The following RAB21 variants were observed in gnomAD, a reference collection of about 807,000 sequenced individuals.
RAB21 encodes the protein RAB21, member RAS oncogene family.
Under a neutral mutation model 33.1 loss-of-function variants are expected in RAB21, and 13 were observed. The ratio of observed to expected loss-of-function variants is 0.39; its 90% CI spans 0.26 to 0.62. The LOEUF is 0.62. Among genes scored for constraint, RAB21 ranks in the 20% least tolerant of loss-of-function variants. RAB21 has a pLI of 0.48. For synonymous variants in RAB21, 91 were observed against 103.7 expected, an observed-to-expected ratio of 0.88 and a Z score of 0.74; for missense variants, 234 against 279.1, an observed-to-expected ratio of 0.84 and a Z score of 1.15.
chr12:71,779,411 G>A lies in RAB21; in HGVS notation c.392-2620G>A, dbSNP rs181950387. On this transcript the variant is annotated intron_variant, in intron 4 of 6. Coordinates refer to ENST00000261263, the MANE Select transcript of RAB21 (RefSeq NM_014999.4). ...GGAGGCTGCAGAGAGCCGTGTTCACGCCACTGCATTCCAACCTGAGTGACA... is the reference window on the plus strand; with the variant it reads ...GGAGGCTGCAGAGAGCCGTGTTCACACCACTGCATTCCAACCTGAGTGACA... Among the ~76,000 whole-genome samples, 749 of 152,170 alleles carry A rather than the reference G, an allele frequency of 4.9e-3. 8 individuals carry two copies. Among genetic ancestry groups the A allele is most frequent in the African/African-American group, 0.017 (713 of 41,530 alleles).
intron 6 of RAB21, among the ~76,000 whole-genome samples, chr12:71,784,066 A>G (rs1883243888): frequency 6.6e-6 from 1 of 152,212 alleles, no homozygotes; most frequent in South Asian, 2.1e-4. Flanking sequence ...AAATAAGTAG[A>G]TATAGAATTT....
At position 71,792,857 on chromosome 12, in the gene RAB21, C is replaced by T. The variant is rs1452782688; in HGVS notation, c.*7184C>T. On this transcript the variant is annotated 3_prime_UTR_variant, in exon 7 of 7. Transcript: ENST00000261263. ...ATCTGGGGATATAAGGTCACCTGTG[C>T]ACACATGTTCACATTCTGTGTTTGA... is the stretch of plus-strand genomic sequence containing the variant. 1 of 152,172 alleles carries T rather than the reference C, an allele frequency of 6.6e-6. No homozygotes were observed. The highest frequency in any genetic ancestry group is 1.5e-5 in the Non-Finnish European group (1 of 68,046). The allele number at this position is 152,172 out of a possible 1,614,324, so 9.4% of individuals were successfully genotyped here.
chr12:71,776,834 C>G (rs1883127298), intron 4 of RAB21, among the ~76,000 whole-genome samples: 1 of 152,076 alleles, frequency 6.6e-6, no homozygotes, highest in Non-Finnish European at 1.5e-5. Context: ...ATCAAAATCT[C>G]TATGGATGGG....
Position 71,769,851 on chromosome 12 carries a change from G to T in RAB21, c.211G>T (p.Ala71Ser). The change falls in exon 2 of 7, where the codon GCC becomes TCC. Residue 71 changes from alanine to serine, a missense_variant. Transcript: ENST00000261263. ...LNIGGKRVNL[A>S]IWDTAGQERF... is the part of the protein sequence containing the mutation. ...TATTGGTGGGAAAAGAGTAAACCTTGCCATATGGGTAAGTGAACTTTTTCA... is the reference window on the plus strand; with the variant it reads ...TATTGGTGGGAAAAGAGTAAACCTTTCCATATGGGTAAGTGAACTTTTTCA... The T allele has an allele frequency of 1.5e-6, 2 of 1,370,642 alleles. No individual in the cohort carries two copies. The highest frequency in any genetic ancestry group is 1.9e-6 in the Non-Finnish European group (2 of 1,037,504). The allele number at this position is 1,370,642 out of a possible 1,614,324, so 84.9% of individuals were successfully genotyped here. A position where few individuals can be genotyped will look rare whatever the true frequency, so the allele number is the denominator to read the frequency against.
In RAB21 at chr12:71,797,437, G is replaced by T. The variant is rs962264101; in HGVS notation, c.*11764G>T. On this transcript the variant is annotated 3_prime_UTR_variant, in exon 7 of 7. Transcript: ENST00000261263. ...ACCTAGGAATAAACAAGTTATATGC[G>T]TGACCACAAAACCAAAACTTTGTAT... is the stretch of plus-strand genomic sequence containing the variant. 6.6e-6 allele frequency: 1 copy of T among 151,964 alleles called. No individual in the cohort carries two copies. Among genetic ancestry groups the T allele is most frequent in the African/African-American group, 2.4e-5 (1 of 41,486 alleles). 9.4% of individuals were successfully genotyped at this position (151,964 alleles called of 1,614,324 possible). A position where few individuals can be genotyped will look rare whatever the true frequency, so the allele number is the denominator to read the frequency against.
chr12:71,782,698 T>C, intron 6 of RAB21, 40 bp downstream of exon 6: 1 of 1,410,958 alleles, frequency 7.1e-7, no homozygotes. Flanking sequence ...AAATGGTTTT[T>C]GGTTTTTATT....
At chr12:71,775,954 G>A (rs1883113775) in intron 4 of RAB21, among the ~76,000 whole-genome samples, 1 of 152,130 alleles carries the variant, frequency 6.6e-6, no homozygotes. Flanking sequence ...TTTCCCCTGC[G>A]TTTTGGTCTA....
rs1364256651 is a variant in RAB21, at chr12:71,792,763, C to G, written c.*7090C>G. The G allele has an allele frequency of 6.6e-6, 1 of 152,206 alleles. No homozygotes were observed. Among genetic ancestry groups the G allele is most frequent in the Non-Finnish European group, 1.5e-5 (1 of 68,048 alleles). 9.4% of individuals were successfully genotyped at this position (152,206 alleles called of 1,614,324 possible). ...TGGGAGAACCAGATAGCCAAAGTGCCTTCCTTTATCGTTGGAACCTAGAGA... is the reference window on the plus strand; with the variant it reads ...TGGGAGAACCAGATAGCCAAAGTGCGTTCCTTTATCGTTGGAACCTAGAGA... On this transcript the variant is annotated 3_prime_UTR_variant, in exon 7 of 7. Transcript: ENST00000261263.
At chr12:71,771,493 G>A (rs1883041705) in intron 3 of RAB21, among the ~76,000 whole-genome samples, 1 of 151,920 alleles carries the variant, frequency 6.6e-6, no homozygotes, top group African/African-American at 2.4e-5. Flanking sequence ...AGTTAAATCT[G>A]ATAGAGCAGA....
Position 71,798,729 on chromosome 12 carries a change from T to C in RAB21, c.*13056T>C, listed in dbSNP as rs919040579. Reference sequence around the variant, plus strand: ...TTTAGTTTTATAAAACATTGTAATATTCTAGATATTATTGGTAAGAATGGA... The same window carrying C: ...TTTAGTTTTATAAAACATTGTAATACTCTAGATATTATTGGTAAGAATGGA... On this transcript the variant is annotated 3_prime_UTR_variant, in exon 7 of 7. Coordinates refer to ENST00000261263, the MANE Select transcript of RAB21 (RefSeq NM_014999.4). 8 of 152,198 alleles carry C rather than the reference T, an allele frequency of 5.3e-5. No homozygotes were observed. Among genetic ancestry groups the C allele is most frequent in the Non-Finnish European group, 1.0e-4 (7 of 68,032 alleles). 9.4% of individuals were successfully genotyped at this position (152,198 alleles called of 1,614,324 possible). A position where few individuals can be genotyped will look rare whatever the true frequency, so the allele number is the denominator to read the frequency against.
Position 71,794,062 on chromosome 12 carries a change from A to G in RAB21, c.*8389A>G, listed in dbSNP as rs1350146762. 1 of 151,968 alleles carries G rather than the reference A, an allele frequency of 6.6e-6. No individual in the cohort carries two copies. Among genetic ancestry groups the G allele is most frequent in the Non-Finnish European group, 1.5e-5 (1 of 68,020 alleles). The allele number at this position is 151,968 out of a possible 1,614,324, so 9.4% of individuals were successfully genotyped here. On this transcript the variant is annotated 3_prime_UTR_variant, in exon 7 of 7. Transcript: ENST00000261263. ...GGCGAAACCCCATCTCTATCCAAAA[A>G]TATACAAAAATTAGCCAGGTGTGGT...
At chr12:71,764,833 G>T (rs531722444) in intron 1 of RAB21, among the ~76,000 whole-genome samples, 1 of 151,924 alleles carries the variant, frequency 6.6e-6, no homozygotes, top group Non-Finnish European at 1.5e-5. Flanking sequence ...TATATATACC[G>T]CATATTCTTT....
Position 71,785,749 on chromosome 12 carries a change from C to T in RAB21, c.*76C>T. The T allele has an allele frequency of 6.7e-7, 1 of 1,500,990 alleles. No homozygotes were observed. Among genetic ancestry groups the T allele is most frequent in the Non-Finnish European group, 9.2e-7 (1 of 1,087,526 alleles). 93.0% of individuals were successfully genotyped at this position (1,500,990 alleles called of 1,614,324 possible). On this transcript the variant is annotated 3_prime_UTR_variant, in exon 7 of 7. Transcript: ENST00000261263. ...CCTCAACATGAAGACTGCCATATTC[C>T]AAGTCACATTATTTTACCAATGGAA...
chr12:71,776,727 G>A (rs1883125428), intron 4 of RAB21, among the ~76,000 whole-genome samples: 2 of 149,020 alleles, frequency 1.3e-5, no homozygotes, highest in Admixed American at 6.7e-5. Context: ...AAAAAAAAAA[G>A]AATTCTGAGA....
Position 71,790,838 on chromosome 12 carries a change from T to G in RAB21, c.*5165T>G, listed in dbSNP as rs1246421724. On this transcript the variant is annotated 3_prime_UTR_variant, in exon 7 of 7. Coordinates refer to ENST00000261263, the MANE Select transcript of RAB21 (RefSeq NM_014999.4). ...TAAATACAGACTTTTTCATTTTATT[T>G]CCTCCCACATTTCTATGGATGTGTC... 1 of 152,006 alleles carries G rather than the reference T, an allele frequency of 6.6e-6. No homozygotes were observed. Among genetic ancestry groups the G allele is most frequent in the Admixed American group, 6.6e-5 (1 of 15,262 alleles). 9.4% of individuals were successfully genotyped at this position (152,006 alleles called of 1,614,324 possible). A position where few individuals can be genotyped will look rare whatever the true frequency, so the allele number is the denominator to read the frequency against.
intron 1 of RAB21, among the ~76,000 whole-genome samples, chr12:71,768,753 C>G (rs540208478): frequency 1.3e-4 from 20 of 151,836 alleles, no homozygotes; most frequent in Non-Finnish European, 2.1e-4. Flanking sequence ...TGGTATTTTT[C>G]CAGGAAAAAA....
rs2137660862 is a variant in RAB21, at chr12:71,786,060, C to T, written c.*387C>T. The T allele has an allele frequency of 6.4e-6, 1 of 156,354 alleles. No individual in the cohort carries two copies. Among genetic ancestry groups the T allele is most frequent in the South Asian group, 1.9e-4 (1 of 5,336 alleles). 9.7% of individuals were successfully genotyped at this position (156,354 alleles called of 1,614,324 possible). A position where few individuals can be genotyped will look rare whatever the true frequency, so the allele number is the denominator to read the frequency against. On this transcript the variant is annotated 3_prime_UTR_variant, in exon 7 of 7. Transcript: ENST00000261263. Reference sequence around the variant, plus strand: ...GGGACTATAGGCGCCCACCACGACGCCCGGCTAATTTTTTGTATTTTTAGT... The same window carrying T: ...GGGACTATAGGCGCCCACCACGACGTCCGGCTAATTTTTTGTATTTTTAGT...
chr12:71,760,973 G>A (rs79438137), intron 1 of RAB21, among the ~76,000 whole-genome samples: 3,450 of 152,092 alleles, frequency 0.023, 124 homozygotes, highest in East Asian at 0.13. Flanking sequence ...GGGAGGATGA[G>A]GTGGGAGGAT....
Position 71,762,686 on chromosome 12 carries a change from A to G in RAB21, c.160-7114A>G, listed in dbSNP as rs553968982. 1.0e-3 allele frequency among the ~76,000 whole-genome samples: 142 copies of G among 142,234 alleles called. 1 individual carries two copies. Among genetic ancestry groups the G allele is most frequent in the Non-Finnish European group, 1.9e-3 (122 of 64,584 alleles). 93.3% of individuals were successfully genotyped at this position (142,234 alleles called of 152,430 possible). On this transcript the variant is annotated intron_variant, in intron 1 of 6. Transcript: ENST00000261263. Reference sequence around the variant, plus strand: ...CAACCTCTGCCCCGTGGATTCAAGCAATTCTCCTGCCTCAGCCTCCTGAGT... The same window carrying G: ...CAACCTCTGCCCCGTGGATTCAAGCGATTCTCCTGCCTCAGCCTCCTGAGT...
Sources: allele counts gnomAD v4.1 joint callset (sites outside exome capture counted in the v4.1 genomes callset), GRCh38; gene constraint gnomAD v4.1.1; transcripts MANE v1.5; gene names NCBI Gene and HGNC (gene_info 2026-07-23, HGNC 2026-07-21).